CFAP47: variants seen among roughly 807,000 people sequenced by gnomAD.
The protein encoded by CFAP47 is cilia- and flagella-associated protein 47.
Under a neutral mutation model 148.1 loss-of-function variants are expected in CFAP47, and 29 were observed. The observed-to-expected ratio is 0.20, with a 90% CI of 0.15 to 0.27. The LOEUF is 0.27. Ranked by LOEUF, CFAP47 falls within the 10% of genes least tolerant of loss-of-function variation. The pLI is 1.00. For synonymous variants in CFAP47, 664 were observed against 577.3 expected (o/e 1.15, Z -2.15); for missense variants, 1,872 against 1,697.5 (o/e 1.10, Z -1.81).
intron 33 of CFAP47, among the ~76,000 whole-genome samples, chrX:36,128,184 A>C (rs756195225): frequency 9.0e-5 from 10 of 111,040 alleles, no homozygotes; most frequent in Non-Finnish European, 1.7e-4. Context: ...TGATCACTTC[A>C]AGAATCTCTA....
At chrX:36,057,161 A>G (rs1937561248) in intron 26 of CFAP47, among the ~76,000 whole-genome samples, 1 of 111,463 alleles carries the variant, frequency 9.0e-6, no homozygotes, top group South Asian at 3.7e-4. Flanking sequence ...CCATCCATAC[A>G]CTCATATTGC....
At chrX:36,000,691 A>G (rs187162804) in intron 20 of CFAP47, among the ~76,000 whole-genome samples, 8 of 112,108 alleles carry the variant, frequency 7.1e-5, no homozygotes, top group Middle Eastern at 4.7e-3. Flanking sequence ...AGTATGTTAT[A>G]TATAAGTATA....
intron 45 of CFAP47, among the ~76,000 whole-genome samples, chrX:36,218,477 A>G (rs781970182): frequency 8.9e-6 from 1 of 112,126 alleles, no homozygotes; most frequent in African/African-American, 3.2e-5. Flanking sequence ...AAAAATGACC[A>G]CAACTGTAGG....
intron 42 of CFAP47, among the ~76,000 whole-genome samples, chrX:36,195,628 A>G (rs1939911644): frequency 9.0e-6 from 1 of 111,295 alleles, no homozygotes; most frequent in Admixed American, 9.6e-5. Context: ...AGACTTTTGT[A>G]TTGTGTTACA....
At chrX:36,084,723 T>A (rs1938048869) in intron 29 of CFAP47, among the ~76,000 whole-genome samples, 1 of 111,957 alleles carries the variant, frequency 8.9e-6, no homozygotes, top group African/African-American at 3.2e-5. Flanking sequence ...GAATTAGAGA[T>A]TGCAGTATCT....
chrX:35,930,802 A>G (rs1935815478), intron 2 of CFAP47, among the ~76,000 whole-genome samples: 1 of 111,051 alleles, frequency 9.0e-6, no homozygotes, highest in Non-Finnish European at 1.9e-5. Flanking sequence ...CCTTTCTTTC[A>G]TTTCTGATGT....
intron 15 of CFAP47, among the ~76,000 whole-genome samples, chrX:35,984,476 T>A (rs1483133142): frequency 9.0e-6 from 1 of 111,307 alleles, no homozygotes; most frequent in Non-Finnish European, 1.9e-5. Flanking sequence ...GTGATTTTGG[T>A]TATTTCTGGT....
chrX:35,967,632 G>A lies in CFAP47; in HGVS notation c.1614G>A (p.Ser538=), dbSNP rs1936426019. 5 of 1,203,524 alleles carry A rather than the reference G, an allele frequency of 4.2e-6. No individual in the cohort carries two copies. The highest frequency in any genetic ancestry group is 5.6e-6 in the Non-Finnish European group (5 of 891,088). ...VMKFDPGILP[S]IRNPTGKFVV... is the part of the protein sequence containing the mutation. Reference sequence around the variant, plus strand: ...ATTCTATAAAAGGTATATTGCCTTCGATCCGTAATCCCACGGGAAAGTTTG... The same window carrying A: ...ATTCTATAAAAGGTATATTGCCTTCAATCCGTAATCCCACGGGAAAGTTTG... The change falls in exon 10 of 64, where the codon TCG becomes TCA. Residue 538 remains serine, a synonymous_variant. Coordinates refer to ENST00000378653, the MANE Select transcript of CFAP47 (RefSeq NM_001304548.2).
At chrX:36,360,163 C>T (rs1941816928) in intron 60 of CFAP47, among the ~76,000 whole-genome samples, 1 of 111,687 alleles carries the variant, frequency 9.0e-6, no homozygotes, top group African/African-American at 3.3e-5. Flanking sequence ...AATAATAGTT[C>T]CCTTGTATGT....
intron 37 of CFAP47, among the ~76,000 whole-genome samples, chrX:36,158,633 G>C (rs1488809541): frequency 8.9e-6 from 1 of 111,960 alleles, no homozygotes; most frequent in African/African-American, 3.2e-5. Context: ...CACAATCCAG[G>C]AAGCAATGAT....
chrX:36,253,966 T>C (rs1555998578), intron 49 of CFAP47, among the ~76,000 whole-genome samples: 1 of 111,963 alleles, frequency 8.9e-6, no homozygotes, highest in Admixed American at 9.6e-5. Context: ...TTGGTCAGTA[T>C]TGGGATAAAG....
chrX:36,049,525 C>T (rs988847103), intron 26 of CFAP47, among the ~76,000 whole-genome samples: 6 of 109,230 alleles, frequency 5.5e-5, no homozygotes, highest in Non-Finnish European at 1.1e-4. Flanking sequence ...CACACACACA[C>T]ACTAGTGAAA....
chrX:36,210,298 C>T (rs782080485), intron 45 of CFAP47, among the ~76,000 whole-genome samples: 1 of 111,894 alleles, frequency 8.9e-6, no homozygotes, highest in Non-Finnish European at 1.9e-5. Flanking sequence ...TCCAAAGTGG[C>T]TGCACCATCT....
At chrX:36,279,258 A>G (rs781965920) in intron 49 of CFAP47, among the ~76,000 whole-genome samples, 2 of 111,730 alleles carry the variant, frequency 1.8e-5, no homozygotes, top group East Asian at 5.6e-4. Flanking sequence ...TTGGTTTTAC[A>G]TACACACATT....
At chrX:36,327,580 C>T (rs782023087) in intron 57 of CFAP47, among the ~76,000 whole-genome samples, 2 of 111,635 alleles carry the variant, frequency 1.8e-5, no homozygotes, top group East Asian at 5.7e-4. Context: ...GAAGTTAAAA[C>T]AGAGCGTCCA....
At chrX:36,290,553 G>C (rs144627733) in intron 51 of CFAP47, among the ~76,000 whole-genome samples, 1 of 112,063 alleles carries the variant, frequency 8.9e-6, no homozygotes, top group Non-Finnish European at 1.9e-5. Context: ...CTCATGCTCC[G>C]TTCTCCTGGG....
intron 26 of CFAP47, among the ~76,000 whole-genome samples, chrX:36,057,174 T>C (rs904110508): frequency 1.8e-5 from 2 of 111,850 alleles, no homozygotes; most frequent in Non-Finnish European, 3.8e-5. Context: ...CATATTGCAG[T>C]CTTTTTTACA....
chrX:36,029,257 T>C (rs943457445), intron 22 of CFAP47, among the ~76,000 whole-genome samples: 1 of 111,336 alleles, frequency 9.0e-6, no homozygotes, highest in African/African-American at 3.2e-5. Flanking sequence ...TGATTGTGTC[T>C]ATTTGAATCT....
At chrX:35,991,083 GC>G (rs1936784321) in intron 16 of CFAP47, among the ~76,000 whole-genome samples, 1 of 111,321 alleles carries the variant, frequency 9.0e-6, no homozygotes, top group Non-Finnish European at 1.9e-5. Flanking sequence ...TGTGGAGCTG[GC>G]GAATGTTATG....
Sources: allele counts gnomAD v4.1 joint callset (sites outside exome capture counted in the v4.1 genomes callset), GRCh38; gene constraint gnomAD v4.1.1; transcripts MANE v1.5; gene names NCBI Gene and HGNC (gene_info 2026-07-23, HGNC 2026-07-21).